The following CDH8 variants were observed in gnomAD, a reference collection of about 807,000 sequenced individuals.
The protein encoded by CDH8 is cadherin-8.
In CDH8, 17 loss-of-function variants were observed where a neutral mutation model predicts 68.1. The observed-to-expected ratio is 0.25, with a 90% CI of 0.17 to 0.37. The LOEUF is 0.37. Among genes scored for constraint, CDH8 ranks in the 10% least tolerant of loss-of-function variants. The probability of loss-of-function intolerance (pLI) is 1.00; values close to 1 mark genes in which losing one functional copy is unlikely to be tolerated. For missense variants in CDH8, 763 were observed against 999.3 expected, an observed-to-expected ratio of 0.76 and a Z score of 3.19; for synonymous variants, 372 against 365.1, an observed-to-expected ratio of 1.02 and a Z score of -0.21.
intron 2 of CDH8, among the ~76,000 whole-genome samples, chr16:61,971,050 T>C (rs570220849): frequency 9.3e-4 from 141 of 152,278 alleles, no homozygotes; most frequent in Non-Finnish European, 1.7e-3. Context: ...GAAGGTTCTT[T>C]GTAATTCTCC....
chr16:61,953,802 G>A (rs374028848), intron 2 of CDH8, among the ~76,000 whole-genome samples: 2 of 150,506 alleles, frequency 1.3e-5, no homozygotes, highest in Admixed American at 6.6e-5. Flanking sequence ...CCAAGTGGTC[G>A]AGGCTGCAGT....
At chr16:61,870,739 C>T (rs1371405405) in intron 3 of CDH8, among the ~76,000 whole-genome samples, 1 of 152,170 alleles carries the variant, frequency 6.6e-6, no homozygotes, top group Non-Finnish European at 1.5e-5. Context: ...ATGTGCCCAA[C>T]ATGGTTGGGG....
intron 3 of CDH8, among the ~76,000 whole-genome samples, chr16:61,873,750 T>C (rs970764918): frequency 2.0e-5 from 3 of 152,146 alleles, no homozygotes; most frequent in African/African-American, 7.2e-5. Context: ...ATTGTGAAGC[T>C]AAACAACCAG....
At chr16:61,715,079 C>G (rs1964700525) in intron 9 of CDH8, among the ~76,000 whole-genome samples, 1 of 151,664 alleles carries the variant, frequency 6.6e-6, no homozygotes, top group Non-Finnish European at 1.5e-5. Context: ...ATAGGCAATT[C>G]ATTCAATTTA....
chr16:61,908,319 T>C (rs1165056854), intron 2 of CDH8, among the ~76,000 whole-genome samples: 2 of 152,160 alleles, frequency 1.3e-5, no homozygotes, highest in Admixed American at 6.5e-5. Flanking sequence ...GACTTTGACA[T>C]GATATTAGTT....
At chr16:61,656,073 C>T (rs1963442329) in intron 10 of CDH8, among the ~76,000 whole-genome samples, 1 of 151,986 alleles carries the variant, frequency 6.6e-6, no homozygotes, top group Non-Finnish European at 1.5e-5. Context: ...GGAGTTTCAC[C>T]GTGTTAGCCA....
chr16:62,027,296 T>C (rs1474571896), intron 1 of CDH8, among the ~76,000 whole-genome samples: 2 of 152,228 alleles, frequency 1.3e-5, no homozygotes, highest in African/African-American at 4.8e-5. Context: ...GATTCCAACA[T>C]TATTTTAAGA....
chr16:61,833,703 C>A (rs1437975008), intron 4 of CDH8, among the ~76,000 whole-genome samples: 1 of 151,866 alleles, frequency 6.6e-6, no homozygotes, highest in Admixed American at 6.6e-5. Context: ...TTTGGATTTG[C>A]CATATACTTT....
At chr16:62,025,709 ATATT>A (rs1296969971) in intron 1 of CDH8, among the ~76,000 whole-genome samples, 2 of 152,146 alleles carry the variant, frequency 1.3e-5, no homozygotes, top group African/African-American at 4.8e-5. Flanking sequence ...TGTTTTTGAA[ATATT>A]TATTTTTAAA....
chr16:61,650,857 A>G lies in CDH8; in HGVS notation c.*2751T>C, dbSNP rs1048800997. 5 of 152,082 alleles carry G rather than the reference A, an allele frequency of 3.3e-5. No homozygotes were observed. The allele number at this position is 152,082 out of a possible 1,614,324, so 9.4% of individuals were successfully genotyped here. ...TATTCTATGTTACAAGACCTGAAAT[A>G]GGCTTTTAAACACAAAATGCTGACA... On this transcript the variant is annotated 3_prime_UTR_variant, in exon 12 of 12. Transcript: ENST00000577390.
At chr16:61,697,211 A>G (rs1078279) in intron 10 of CDH8, among the ~76,000 whole-genome samples, 49,602 of 151,930 alleles carry the variant, frequency 0.33, 9,783 homozygotes, top group African/African-American at 0.56. Context: ...GGGAGCCCTC[A>G]CTGGGATTAT....
At chr16:61,953,646 T>C (rs918678668) in intron 2 of CDH8, among the ~76,000 whole-genome samples, 4 of 150,754 alleles carry the variant, frequency 2.7e-5, no homozygotes, top group Non-Finnish European at 4.4e-5. Context: ...GGTGGGACGA[T>C]TGCTTGAGCC....
intron 2 of CDH8, among the ~76,000 whole-genome samples, chr16:62,020,019 T>C (rs1902034243): frequency 6.6e-6 from 1 of 152,258 alleles, no homozygotes; most frequent in Non-Finnish European, 1.5e-5. Flanking sequence ...ATTCATGATA[T>C]CTCCTTATGC....
At chr16:61,868,630 GACATTATC>G (rs1373936682) in intron 3 of CDH8, among the ~76,000 whole-genome samples, 1 of 151,988 alleles carries the variant, frequency 6.6e-6, no homozygotes, top group Non-Finnish European at 1.5e-5. Flanking sequence ...ATGAACTGAG[GACATTATC>G]ACATTATCAC....
chr16:61,824,683 T>C (rs1195062965), intron 5 of CDH8, among the ~76,000 whole-genome samples: 1 of 151,826 alleles, frequency 6.6e-6, no homozygotes, highest in African/African-American at 2.4e-5. Flanking sequence ...GGGCTAATAA[T>C]AGAGCAATAT....
At position 61,648,013 on chromosome 16, in the gene CDH8, G is replaced by T; in HGVS notation, c.*5595C>A. Reference sequence around the variant, plus strand: ...CAAGTTGGGGAAATAGTACCCAAAGGCACTATTTTCACCAGCAAATGCCTA... The same window carrying T: ...CAAGTTGGGGAAATAGTACCCAAAGTCACTATTTTCACCAGCAAATGCCTA... On this transcript the variant is annotated 3_prime_UTR_variant, in exon 12 of 12. Coordinates refer to ENST00000577390, the MANE Select transcript of CDH8 (RefSeq NM_001796.5). The T allele has an allele frequency of 3.4e-6, 2 of 590,194 alleles. No individual in the cohort carries two copies. Among genetic ancestry groups the T allele is most frequent in the South Asian group, 4.1e-5 (2 of 48,606 alleles). 36.6% of individuals were successfully genotyped at this position (590,194 alleles called of 1,614,324 possible). A position where few individuals can be genotyped will look rare whatever the true frequency, so the allele number is the denominator to read the frequency against.
intron 1 of CDH8, among the ~76,000 whole-genome samples, chr16:62,030,374 TG>T (rs1902296480): frequency 6.6e-6 from 1 of 151,768 alleles, no homozygotes; most frequent in Non-Finnish European, 1.5e-5. Context: ...AATTGTTTTT[TG>T]TTTTTTTTTC....
At chr16:61,899,296 T>G (rs1028915224) in intron 3 of CDH8, among the ~76,000 whole-genome samples, 2 of 152,168 alleles carry the variant, frequency 1.3e-5, no homozygotes, top group African/African-American at 4.8e-5. Context: ...TGTACATAGT[T>G]TGATTTTTAA....
rs1400802557 is a variant in CDH8 at position 61,647,851 on chromosome 16, A to G, written c.*5757T>C. Reference sequence around the variant, plus strand: ...TCCACAGTCTTTCTCTTCAGACAGCATCTTGTGATATTCCTCCTAGCAACC... The same window carrying G: ...TCCACAGTCTTTCTCTTCAGACAGCGTCTTGTGATATTCCTCCTAGCAACC... On this transcript the variant is annotated 3_prime_UTR_variant, in exon 12 of 12. Coordinates refer to ENST00000577390, the MANE Select transcript of CDH8 (RefSeq NM_001796.5). The G allele has an allele frequency of 1.0e-5, 7 of 699,720 alleles. No individual in the cohort carries two copies. In the East Asian group the frequency reaches 1.9e-4, roughly 19 times the overall value. 43.3% of individuals were successfully genotyped at this position (699,720 alleles called of 1,614,324 possible).
Sources: allele counts gnomAD v4.1 joint callset (sites outside exome capture counted in the v4.1 genomes callset), GRCh38; gene constraint gnomAD v4.1.1; transcripts MANE v1.5; gene names NCBI Gene and HGNC (gene_info 2026-07-23, HGNC 2026-07-21).